ATP8B1: variants seen among roughly 807,000 people sequenced by gnomAD.
The protein encoded by ATP8B1 is ATPase phospholipid transporting 8B1, also known as phospholipid-transporting ATPase IC.
ATP8B1 carries 80 observed loss-of-function variants against 149.9 expected under a neutral mutation model. That is an observed-to-expected ratio of 0.53 (90% confidence interval 0.45 to 0.64). The LOEUF is 0.64. Ranked by LOEUF, ATP8B1 falls within the 30% of genes least tolerant of loss-of-function variation. The pLI is 0.00. For synonymous variants in ATP8B1, 536 were observed against 562.8 expected, an observed-to-expected ratio of 0.95 and a Z score of 0.67; for missense variants, 1,247 against 1,552.6, an observed-to-expected ratio of 0.80 and a Z score of 3.31.
chr18:57,684,977 A>C, intron 14 of ATP8B1, 95 bp downstream of exon 14: 4 of 1,496,146 alleles, frequency 2.7e-6, no homozygotes, highest in Non-Finnish European at 3.7e-6. Context: ...AGAGGCAACG[A>C]AAGAGTCTTC....
At chr18:57,700,072 T>A (rs1913044690) in intron 6 of ATP8B1, among the ~76,000 whole-genome samples, 1 of 152,208 alleles carries the variant, frequency 6.6e-6, no homozygotes, top group South Asian at 2.1e-4. Context: ...TCTAACAGAA[T>A]TGCCTCCAAT....
chr18:57,693,787 C>G (rs1389811363), intron 11 of ATP8B1, among the ~76,000 whole-genome samples: 1 of 152,164 alleles, frequency 6.6e-6, no homozygotes, highest in African/African-American at 2.4e-5. Flanking sequence ...TGCTGACCAT[C>G]TGCATTCTTT....
chr18:57,713,280 T>TCTC, intron 2 of ATP8B1, among the ~76,000 whole-genome samples: 3 of 133,828 alleles, frequency 2.2e-5, no homozygotes, highest in East Asian at 3.1e-4. Context: ...TTTCTTTCTT[T>TCTC]TTTCTTTCTC....
At position 57,802,625 on chromosome 18, in the gene ATP8B1, G is replaced by T. The variant is rs188492826; in HGVS notation, c.-26+373C>A. Among the ~76,000 whole-genome samples, 372 of 152,344 alleles carry T rather than the reference G, an allele frequency of 2.4e-3. 4 individuals carry two copies. Among genetic ancestry groups the T allele is most frequent in the African/African-American group, 8.7e-3 (363 of 41,576 alleles). ...CAGAGGGGCGGTAGCCACCGCACAG[G>T]AGCCAGCGGCATCCCCCAAGGAGCC... On this transcript the variant is annotated intron_variant, in intron 1 of 27. Transcript: ENST00000648908. This position sits in a 1 kb window ranked among gnomAD's most constrained non-coding sequence, Gnocchi z 4.9.
chr18:57,775,253 C>T (rs1158613223), intron 1 of ATP8B1, among the ~76,000 whole-genome samples: 8 of 151,886 alleles, frequency 5.3e-5, no homozygotes, highest in Non-Finnish European at 1.0e-4. Flanking sequence ...GGGGTCAAGG[C>T]TGCAGTGAGC....
At chr18:57,770,093 G>C (rs2080251799) in intron 1 of ATP8B1, among the ~76,000 whole-genome samples, 2 of 137,996 alleles carry the variant, frequency 1.4e-5, no homozygotes, top group South Asian at 4.5e-4. Context: ...TTTTGAGACA[G>C]AGTCTCACTC....
In ATP8B1 at chr18:57,674,848, C is replaced by T. The variant is rs758353144; in HGVS notation, c.1805G>A (p.Arg602Gln). The part of the protein sequence containing the change: ...AILDFNSDRK[R>Q]MSIIVRTPEG... ...GGGGGACTTACCAATGATAGACATT[C>T]GCTTCCGGTCACTGTTGAAGTCCAA... The change falls in exon 16 of 28, where the codon CGA becomes CAA. Residue 602 changes from arginine to glutamine, a missense_variant. Arg to Gln is a conservative substitution (Grantham distance 43, BLOSUM62 1). Around this residue, in one of 3 missense-constraint regions of ATP8B1, gnomAD observed 853 missense variants for 1,035.7 expected, o/e 0.82. Transcript: ENST00000648908. 1.1e-5 allele frequency: 18 copies of T among 1,614,000 alleles called. No homozygotes were observed. Among genetic ancestry groups the T allele is most frequent in the Non-Finnish European group, 1.4e-5 (16 of 1,179,992 alleles).
rs1312447175 is a variant in ATP8B1 at position 57,780,059 on chromosome 18, C to T, written c.-26+22939G>A. Among the ~76,000 whole-genome samples, 7 of 152,214 alleles carry T rather than the reference C, an allele frequency of 4.6e-5. No individual in the cohort carries two copies. In the East Asian group the frequency reaches 1.2e-3, roughly 25 times the overall value. On this transcript the variant is annotated intron_variant, in intron 1 of 27. Transcript: ENST00000648908. ...TGAATAAACCAACTGGCCTTGAAGCCCACATTTCTAATTCTCATAACAGAT... is the reference window on the plus strand; with the variant it reads ...TGAATAAACCAACTGGCCTTGAAGCTCACATTTCTAATTCTCATAACAGAT...
chr18:57,758,368 C>A (rs193038542), intron 1 of ATP8B1, among the ~76,000 whole-genome samples: 1 of 151,988 alleles, frequency 6.6e-6, no homozygotes, highest in African/African-American at 2.4e-5. Flanking sequence ...AGGCCAGGCG[C>A]GGTGCCTCAC....
intron 2 of ATP8B1, among the ~76,000 whole-genome samples, chr18:57,718,960 G>A (rs925905798): frequency 7.9e-5 from 12 of 152,290 alleles, no homozygotes; most frequent in Admixed American, 7.8e-4. Flanking sequence ...CTTAGATCTG[G>A]AACATGTCAA....
intron 1 of ATP8B1, among the ~76,000 whole-genome samples, chr18:57,740,007 C>G (rs999954639): frequency 6.6e-6 from 1 of 152,174 alleles, no homozygotes; most frequent in Non-Finnish European, 1.5e-5. Flanking sequence ...CGGCCCACTA[C>G]CTATTTTTTT....
At chr18:57,661,527 A>G (rs751674263) in intron 21 of ATP8B1, 65 bp from the exon 22 acceptor site, 10 of 1,526,656 alleles carry the variant, frequency 6.6e-6, no homozygotes, top group Non-Finnish European at 8.9e-6. Context: ...ACCATTCCCA[A>G]GATTTAAATT....
chr18:57,796,602 G>A (rs922289648), intron 1 of ATP8B1, among the ~76,000 whole-genome samples: 1 of 152,204 alleles, frequency 6.6e-6, no homozygotes, highest in African/African-American at 2.4e-5. Context: ...TTCCCAGCAT[G>A]AAATGTACAA....
chr18:57,691,175 CAAA>C (rs530091842), intron 12 of ATP8B1, among the ~76,000 whole-genome samples: 3 of 58,860 alleles, frequency 5.1e-5, no homozygotes, highest in African/African-American at 5.0e-5. Context: ...AACTCCATCT[CAAA>C]AAAAAAAAAA....
At chr18:57,744,423 A>AG (rs2079946544) in intron 1 of ATP8B1, among the ~76,000 whole-genome samples, 1 of 152,066 alleles carries the variant, frequency 6.6e-6, no homozygotes, top group Non-Finnish European at 1.5e-5. Context: ...TAGAAAATGA[A>AG]GGAAAAAAAA....
At chr18:57,678,180 A>G (rs1414833073) in intron 15 of ATP8B1, among the ~76,000 whole-genome samples, 3 of 152,172 alleles carry the variant, frequency 2.0e-5, no homozygotes, top group Non-Finnish European at 4.4e-5. Flanking sequence ...AGAAGACCAC[A>G]TACCTACCAC....
chr18:57,788,555 C>CAAAAA (rs111696334), intron 1 of ATP8B1, among the ~76,000 whole-genome samples: 6 of 138,340 alleles, frequency 4.3e-5, no homozygotes, highest in African/African-American at 1.6e-4. Flanking sequence ...ACTCTTATCT[C>CAAAAA]AAAAAAAAAA....
chr18:57,744,848 A>G (rs1312688411), intron 1 of ATP8B1, among the ~76,000 whole-genome samples: 1 of 152,210 alleles, frequency 6.6e-6, no homozygotes, highest in African/African-American at 2.4e-5. Context: ...GCTTTCTGGA[A>G]CAAAATATAA....
At chr18:57,740,001 C>T (rs2079895426) in intron 1 of ATP8B1, among the ~76,000 whole-genome samples, 2 of 152,182 alleles carry the variant, frequency 1.3e-5, no homozygotes, top group African/African-American at 4.8e-5. Context: ...CAAATTCGGC[C>T]CACTACCTAT....
Sources: gnomAD v4.1 joint callset for allele counts (sites outside exome capture counted in the v4.1 genomes callset) on GRCh38, gnomAD v4.1.1 for gene constraint, gnomAD v4.1.1 regional missense constraint, Gnocchi (gnomAD v3.1) non-coding constraint, MANE v1.5 for transcripts, NCBI Gene and HGNC (gene_info 2026-07-23, HGNC 2026-07-21) for gene names.